SV2C: variants seen among roughly 807,000 people sequenced by gnomAD.
SV2C encodes the protein solute carrier family 22 member B3.
In SV2C, 49 loss-of-function variants were observed where a neutral mutation model predicts 79.7. That is an observed-to-expected ratio of 0.61 (90% CI 0.49 to 0.78). SV2C has a LOEUF of 0.78. Among genes scored for constraint, SV2C ranks in the 30% least tolerant of loss-of-function variants. The pLI, the probability that SV2C is intolerant of heterozygous loss-of-function variation, is 0.00. For synonymous variants in SV2C, 334 were observed against 333.2 expected (o/e 1.00, Z -0.03); for missense variants, 833 against 912.9 (o/e 0.91, Z 1.13).
intron 3 of SV2C, among the ~76,000 whole-genome samples, chr5:76,205,581 G>GA (rs2112347365): frequency 6.6e-6 from 1 of 151,986 alleles, no homozygotes; most frequent in South Asian, 2.1e-4. Context: ...AATATAACTT[G>GA]AAAAAAATGA....
chr5:75,955,244 A>C, the SV2C span, among the ~76,000 whole-genome samples: 1 of 149,858 alleles, frequency 6.7e-6, no homozygotes, highest in Non-Finnish European at 1.5e-5. Context: ...AACACCGCAT[A>C]TCTACAACTA....
At chr5:75,994,179 A>T in the SV2C span, among the ~76,000 whole-genome samples, 1 of 152,114 alleles carries the variant, frequency 6.6e-6, no homozygotes, top group Non-Finnish European at 1.5e-5. Context: ...GAGCAAATTT[A>T]AAAACGTAAA....
At chr5:76,280,280 A>G (rs1045546890) in intron 4 of SV2C, among the ~76,000 whole-genome samples, 1 of 152,092 alleles carries the variant, frequency 6.6e-6, no homozygotes, top group Non-Finnish European at 1.5e-5. Flanking sequence ...TCACACACAC[A>G]TATGCACACA....
At chr5:76,084,453 C>T (rs1271598094) in intron 1 of SV2C, among the ~76,000 whole-genome samples, 1 of 151,844 alleles carries the variant, frequency 6.6e-6, no homozygotes, top group East Asian at 2.0e-4. Context: ...GCGCCCCGGG[C>T]TGGGCCCACG....
the SV2C span, among the ~76,000 whole-genome samples, chr5:75,952,810 T>A: frequency 1.3e-5 from 2 of 151,906 alleles, no homozygotes; most frequent in Non-Finnish European, 2.9e-5. Flanking sequence ...CAGCCTCAGG[T>A]ATTTCTTTAT....
the SV2C span, among the ~76,000 whole-genome samples, chr5:75,876,290 C>T: frequency 3.9e-4 from 60 of 152,194 alleles, no homozygotes; most frequent in African/African-American, 1.3e-3. Context: ...GAACTGGAGG[C>T]TATTATCCTT....
At chr5:75,857,472 C>T in the SV2C span, among the ~76,000 whole-genome samples, 3 of 151,998 alleles carry the variant, frequency 2.0e-5, no homozygotes, top group African/African-American at 7.2e-5. Context: ...GTCTGTGTGT[C>T]TGTTTATATG....
chr5:76,014,169 G>GAAGAAAGAAAGAAAGAAAGA, the SV2C span, among the ~76,000 whole-genome samples: 2 of 140,036 alleles, frequency 1.4e-5, no homozygotes, highest in African/African-American at 5.3e-5. Flanking sequence ...AGGAAGGAAG[G>GAAGAAAGAAAGAAAGAAAGA]AAGAAAGAAA....
chr5:76,285,782 T>G lies in SV2C; in HGVS notation c.1049T>G (p.Val350Gly). The change falls in exon 6 of 13, where the codon GTT becomes GGT. Residue 350 changes from valine (V) to glycine (G), a missense_variant and splice_region_variant. Val to Gly is a moderately radical substitution (Grantham distance 109). Coordinates refer to ENST00000502798, the MANE Select transcript of SV2C (RefSeq NM_014979.4). ...MPESPRFLLE[V>G]GKHDEAWMIL... The stretch of plus-strand genomic sequence containing the variant: ...TCACTGTCCACTCTCATTTCTTAGG[T>G]TGGAAAACATGATGAAGCTTGGATG... 6.2e-7 allele frequency: 1 copy of G among 1,613,562 alleles called. No homozygotes were observed. The highest frequency in any genetic ancestry group is 8.5e-7 in the Non-Finnish European group (1 of 1,179,818).
At chr5:75,997,374 A>G in the SV2C span, among the ~76,000 whole-genome samples, 1 of 78,240 alleles carries the variant, frequency 1.3e-5, no homozygotes. Context: ...TCTGCGCAGC[A>G]AAAAAACCTA....
chr5:76,252,004 A>C (rs192758942), intron 4 of SV2C, among the ~76,000 whole-genome samples: 181 of 152,384 alleles, frequency 1.2e-3, no homozygotes, highest in Admixed American at 1.6e-3. Context: ...TCTATTCTGC[A>C]GATGACAAAA....
At chr5:75,972,197 A>G in the SV2C span, among the ~76,000 whole-genome samples, 2 of 152,176 alleles carry the variant, frequency 1.3e-5, no homozygotes, top group Admixed American at 6.5e-5. Flanking sequence ...AAAGATTTAT[A>G]TGTTAGACCT....
chr5:76,078,601 C>G, upstream of SV2C: 1 of 380,626 alleles, frequency 2.6e-6, no homozygotes, highest in Non-Finnish European at 5.1e-6. Context: ...CACGGGCATG[C>G]CCCTACCCCC....
the SV2C span, among the ~76,000 whole-genome samples, chr5:75,950,892 TATC>T: frequency 1.3e-5 from 2 of 152,056 alleles, no homozygotes; most frequent in Non-Finnish European, 2.9e-5. Context: ...GCTTTGCTGT[TATC>T]ATCTCTTTAC....
chr5:76,113,874 C>T (rs997004730), intron 1 of SV2C, among the ~76,000 whole-genome samples: 1 of 152,102 alleles, frequency 6.6e-6, no homozygotes, highest in African/African-American at 2.4e-5. Context: ...AGATCTCTTA[C>T]GCTACTCTTT....
chr5:75,912,447 G>T, the SV2C span, among the ~76,000 whole-genome samples: 1 of 152,056 alleles, frequency 6.6e-6, no homozygotes, highest in Admixed American at 6.6e-5. Flanking sequence ...GGGGTGGAGC[G>T]TTGTACTCTA....
chr5:76,245,531 CTTT>C (rs1745919023), intron 4 of SV2C, among the ~76,000 whole-genome samples: 1 of 152,122 alleles, frequency 6.6e-6, no homozygotes, highest in South Asian at 2.1e-4. Flanking sequence ...AAGCTCAATA[CTTT>C]TTTTATAAGT....
At chr5:76,352,843 T>C (rs1220753143) in intron 12 of SV2C, among the ~76,000 whole-genome samples, 1 of 152,168 alleles carries the variant, frequency 6.6e-6, no homozygotes, top group African/African-American at 2.4e-5. Context: ...ACATTTTTCA[T>C]ATAATACATT....
chr5:76,229,667 G>C (rs1745354143), intron 4 of SV2C, among the ~76,000 whole-genome samples: 1 of 152,234 alleles, frequency 6.6e-6, no homozygotes, highest in Admixed American at 6.5e-5. Context: ...CCCAGCAGAG[G>C]AGAGAGAGGA....
Sources: gnomAD v4.1 joint callset for allele counts (sites outside exome capture counted in the v4.1 genomes callset) on GRCh38, gnomAD v4.1.1 for gene constraint, MANE v1.5 for transcripts, NCBI Gene and HGNC (gene_info 2026-07-23, HGNC 2026-07-21) for gene names.